RPTOR: variants seen among roughly 807,000 people sequenced by gnomAD.
The protein encoded by RPTOR is regulatory-associated protein of mTOR.
Under a neutral mutation model 169.9 loss-of-function variants are expected in RPTOR, and 21 were observed. The observed-to-expected ratio is 0.12, with a 90% confidence interval of 0.09 to 0.18. The LOEUF is 0.18. Ranked by LOEUF, RPTOR falls within the 10% of genes least tolerant of loss-of-function variation. The pLI is 1.00. For missense variants in RPTOR, 1,133 were observed against 1,855.9 expected, an observed-to-expected ratio of 0.61 and a Z score of 7.16; for synonymous variants, 732 against 753.2, an observed-to-expected ratio of 0.97 and a Z score of 0.46.
chr17:80,607,694 A>G (rs978958673), intron 1 of RPTOR, among the ~76,000 whole-genome samples: 9 of 151,844 alleles, frequency 5.9e-5, no homozygotes, highest in African/African-American at 2.2e-4. Context: ...ATTTGGCCAC[A>G]GTTTTTAGCA....
chr17:80,611,618 A>G (rs998986532), intron 1 of RPTOR, among the ~76,000 whole-genome samples: 3 of 152,090 alleles, frequency 2.0e-5, no homozygotes, highest in Admixed American at 6.6e-5. Context: ...ATCTCATAAG[A>G]ATTCAAACAT....
chr17:80,654,577 A>T (rs550398635), intron 3 of RPTOR, among the ~76,000 whole-genome samples: 5 of 152,194 alleles, frequency 3.3e-5, no homozygotes, highest in Non-Finnish European at 5.9e-5. Flanking sequence ...CAGAACCGGG[A>T]GGATTACCCA....
chr17:80,737,905 A>G (rs920394187), intron 5 of RPTOR, among the ~76,000 whole-genome samples: 5 of 151,598 alleles, frequency 3.3e-5, no homozygotes, highest in Middle Eastern at 3.2e-3. Context: ...TGTCTATAGC[A>G]GAAGGGGAGT....
Position 80,965,072 on chromosome 17 carries a change from G to A in RPTOR, c.*742G>A, listed in dbSNP as rs565037090. On this transcript the variant is annotated 3_prime_UTR_variant, in exon 34 of 34. Coordinates refer to ENST00000306801, the MANE Select transcript of RPTOR (RefSeq NM_020761.3). Reference sequence around the variant, plus strand: ...AGAGCTGTCAGCAGGGGCCGCTGTGGCGGTGCACAGGGGAGGCAGGTCCTT... The same window carrying A: ...AGAGCTGTCAGCAGGGGCCGCTGTGACGGTGCACAGGGGAGGCAGGTCCTT... 4.3e-6 allele frequency: 1 copy of A among 233,314 alleles called. No individual in the cohort carries two copies. The highest frequency in any genetic ancestry group is 2.2e-5 in the African/African-American group (1 of 45,464). 14.5% of individuals were successfully genotyped at this position (233,314 alleles called of 1,614,324 possible).
intron 21 of RPTOR, among the ~76,000 whole-genome samples, chr17:80,909,228 C>T (rs997913613): frequency 1.5e-4 from 8 of 51,746 alleles, no homozygotes; most frequent in Non-Finnish European, 3.6e-4. Context: ...GGCCCTTCTT[C>T]CATTTTTTTT....
At chr17:80,840,819 G>A (rs1210366395) in intron 10 of RPTOR, among the ~76,000 whole-genome samples, 39 of 25,210 alleles carry the variant, frequency 1.5e-3, no homozygotes, top group Admixed American at 3.8e-3. Context: ...CTCTCACCAC[G>A]CCGCAGCTCA....
At chr17:80,784,449 T>C (rs1488931788) in intron 6 of RPTOR, among the ~76,000 whole-genome samples, 2 of 152,110 alleles carry the variant, frequency 1.3e-5, no homozygotes, top group Non-Finnish European at 2.9e-5. Context: ...TGGAGTGCAA[T>C]GGCACGAACT....
chr17:80,798,785 T>C (rs1374763157), intron 7 of RPTOR, among the ~76,000 whole-genome samples: 2 of 152,332 alleles, frequency 1.3e-5, no homozygotes, highest in East Asian at 1.9e-4. Context: ...TTTAAAAATA[T>C]ATAAATTTTT....
In RPTOR at chr17:80,910,991, C is replaced by T. The variant is rs567143962; in HGVS notation, c.2520+2062C>T. On this transcript the variant is annotated intron_variant, in intron 21 of 33. Coordinates refer to ENST00000306801, the MANE Select transcript of RPTOR (RefSeq NM_020761.3). ...GACTACAGGCGTGAGCCACCACACC[C>T]GGCTAATTTTTGTATTTTTAGGAGA... Among the ~76,000 whole-genome samples the T allele has an allele frequency of 3.9e-5, 6 of 151,994 alleles. No homozygotes were observed. In the East Asian group the frequency reaches 9.7e-4, roughly 24 times the overall value.
chr17:80,628,536 T>C lies in RPTOR; in HGVS notation c.265+2743T>C, dbSNP rs546914213. On this transcript the variant is annotated intron_variant, in intron 2 of 33. Transcript: ENST00000306801. ...TCTTTGTTTCTCTGTATATTTTGCT[T>C]CATTTTTCTCTGGCAATCTTCAAGA... Among the ~76,000 whole-genome samples the C allele has an allele frequency of 2.6e-5, 4 of 152,352 alleles. No individual in the cohort carries two copies. The East Asian group carries it at 7.7e-4, about 29-fold the overall frequency.
At chr17:80,598,773 C>T (rs1465097672) in intron 1 of RPTOR, among the ~76,000 whole-genome samples, 1 of 152,150 alleles carries the variant, frequency 6.6e-6, no homozygotes, top group Non-Finnish European at 1.5e-5. Context: ...AAGCTGATAC[C>T]GTCACAGTAG....
intron 3 of RPTOR, among the ~76,000 whole-genome samples, chr17:80,655,970 C>T (rs2065676507): frequency 6.6e-6 from 1 of 152,160 alleles, no homozygotes; most frequent in Non-Finnish European, 1.5e-5. Flanking sequence ...GGAAGGGAGA[C>T]ATCAGCCTGT....
intron 4 of RPTOR, among the ~76,000 whole-genome samples, chr17:80,727,080 G>A (rs1286370931): frequency 2.0e-5 from 3 of 151,948 alleles, no homozygotes; most frequent in Non-Finnish European, 2.9e-5. Flanking sequence ...CGTGCTCCGA[G>A]AACGTGGACG....
chr17:80,761,466 C>A (rs765854642), intron 6 of RPTOR, among the ~76,000 whole-genome samples: 4 of 152,158 alleles, frequency 2.6e-5, no homozygotes, highest in Non-Finnish European at 4.4e-5. Context: ...TCCTGCATTG[C>A]CCGCAGGAGA....
At chr17:80,595,315 A>G (rs961664331) in intron 1 of RPTOR, among the ~76,000 whole-genome samples, 2 of 152,216 alleles carry the variant, frequency 1.3e-5, no homozygotes, top group East Asian at 1.9e-4. Flanking sequence ...CTATTAGAAA[A>G]AAAGCAAAAG....
At chr17:80,891,235 T>C (rs1385434820) in intron 17 of RPTOR, among the ~76,000 whole-genome samples, 1 of 152,210 alleles carries the variant, frequency 6.6e-6, no homozygotes, top group Non-Finnish European at 1.5e-5. Context: ...CATCTACCAA[T>C]GAAAGTTTCA....
At chr17:80,854,207 A>G (rs2067827418) in intron 11 of RPTOR, among the ~76,000 whole-genome samples, 1 of 152,204 alleles carries the variant, frequency 6.6e-6, no homozygotes. Context: ...AAAAGGATGT[A>G]TTTTCACCTG....
At chr17:80,742,501 ACACATG>A (rs2066491407) in intron 5 of RPTOR, among the ~76,000 whole-genome samples, 1 of 152,040 alleles carries the variant, frequency 6.6e-6, no homozygotes, top group African/African-American at 2.4e-5. Flanking sequence ...ATGTACACAT[ACACATG>A]CACATAGACA....
At chr17:80,583,325 G>A (rs2065033417) in intron 1 of RPTOR, among the ~76,000 whole-genome samples, 2 of 151,818 alleles carry the variant, frequency 1.3e-5, no homozygotes, top group South Asian at 4.2e-4. Context: ...TGAGTAGCTG[G>A]GATTACAGGT....
Sources: allele counts gnomAD v4.1 joint callset (sites outside exome capture counted in the v4.1 genomes callset), GRCh38; gene constraint gnomAD v4.1.1; transcripts MANE v1.5; gene names NCBI Gene and HGNC (gene_info 2026-07-23, HGNC 2026-07-21).